The following ZIC4 variants were observed in gnomAD, a reference collection of about 807,000 sequenced individuals.
The protein encoded by ZIC4 is Zic family zinc finger 4.
A neutral mutation model predicts 28.8 loss-of-function variants in ZIC4; 15 were observed. The observed-to-expected ratio is 0.52, with a 90% CI of 0.35 to 0.80. The LOEUF is 0.80. Ranked by LOEUF, ZIC4 falls within the 30% of genes least tolerant of loss-of-function variation. ZIC4 has a pLI of 0.01. For synonymous variants in ZIC4, 220 were observed against 198.1 expected, an observed-to-expected ratio of 1.11 and a Z score of -0.93; for missense variants, 512 against 467.1, an observed-to-expected ratio of 1.10 and a Z score of -0.89.
chr3:147,398,143 C>T (rs1265299700), intron 2 of ZIC4, among the ~76,000 whole-genome samples: 2 of 152,306 alleles, frequency 1.3e-5, no homozygotes, highest in African/African-American at 2.4e-5. Flanking sequence ...AGGAGTCGGG[C>T]GTGGATCCAG....
chr3:147,390,529 C>T (rs546972245), intron 4 of ZIC4, among the ~76,000 whole-genome samples: 18 of 152,268 alleles, frequency 1.2e-4, no homozygotes, highest in Admixed American at 3.9e-4. Flanking sequence ...CACATAAATT[C>T]TCCAACTTTT....
intron 2 of ZIC4, among the ~76,000 whole-genome samples, chr3:147,402,506 G>A (rs1052343319): frequency 2.6e-5 from 4 of 152,118 alleles, no homozygotes; most frequent in African/African-American, 9.7e-5. Context: ...GGCATTGAGG[G>A]GGATTAGCTG....
rs762569523 is a variant in ZIC4 at position 147,388,813 on chromosome 3, C to T, written c.*46G>A. 1 of 774,388 alleles carries T rather than the reference C, an allele frequency of 1.3e-6. No individual in the cohort carries two copies. The highest frequency in any genetic ancestry group is 2.4e-5 in the East Asian group (1 of 41,132). 48.0% of individuals were successfully genotyped at this position (774,388 alleles called of 1,614,324 possible). A position where few individuals can be genotyped will look rare whatever the true frequency, so the allele number is the denominator to read the frequency against. ...TGTAGCAGGCGCGAGATGCGGGGCGCTCAGCTGCGCGGAGCGAGATTACCT... is the reference window on the plus strand; with the variant it reads ...TGTAGCAGGCGCGAGATGCGGGGCGTTCAGCTGCGCGGAGCGAGATTACCT... On this transcript the variant is annotated 3_prime_UTR_variant, in exon 5 of 5. Coordinates refer to ENST00000383075, the MANE Select transcript of ZIC4 (RefSeq NM_032153.6).
chr3:147,405,505 G>C (rs1434050026), intron 1 of ZIC4: 19 of 1,533,190 alleles, frequency 1.2e-5, no homozygotes, highest in Non-Finnish European at 1.7e-5. Flanking sequence ...CTTTGAGCCA[G>C]TCCTAGCTTT....
At chr3:147,405,671 G>T in intron 1 of ZIC4, 1 of 641,328 alleles carries the variant, frequency 1.6e-6, no homozygotes, top group East Asian at 2.8e-5. Context: ...GCCAAGTCCC[G>T]AACCCACTGC....
chr3:147,391,952 G>A (rs1576456068), intron 3 of ZIC4: 1 of 984,858 alleles, frequency 1.0e-6, no homozygotes, highest in Non-Finnish European at 1.2e-6. Context: ...ACATTTAGCA[G>A]CATTCTTCAA....
intron 1 of ZIC4, chr3:147,406,009 C>T (rs2087269583): frequency 6.2e-6 from 1 of 162,572 alleles, no homozygotes; most frequent in African/African-American, 2.4e-5. Flanking sequence ...GGCACCCAGG[C>T]AATTCACAAG....
At position 147,388,505 on chromosome 3, in the gene ZIC4, C is replaced by T; in HGVS notation, c.*354G>A. ...TCTTTTCTTCCTTCACATTATTATC[C>T]ATTTTTATTATGATCGGGTACAAGT... is the stretch of plus-strand genomic sequence containing the variant. On this transcript the variant is annotated 3_prime_UTR_variant, in exon 5 of 5. Transcript: ENST00000383075. The T allele has an allele frequency of 3.2e-6, 1 of 316,806 alleles. No homozygotes were observed. Among genetic ancestry groups the T allele is most frequent in the Non-Finnish European group, 5.7e-6 (1 of 175,294 alleles). 19.6% of individuals were successfully genotyped at this position (316,806 alleles called of 1,614,324 possible).
rs376509983 is a variant in ZIC4, at chr3:147,396,072, C to G, written c.468G>C (p.Thr156=). The G allele has an allele frequency of 1.9e-6, 3 of 1,614,260 alleles. 1 individual carries two copies. Among genetic ancestry groups the G allele is most frequent in the South Asian group, 2.2e-5 (2 of 91,088 alleles). ...KTFSTMHELV[T]HVTVEHVGGP... ...CGCCGACGTGCTCCACGGTGACGTG[C>G]GTGACCAGCTCGTGCATGGTGCTGA... Residue 156 remains threonine, a synonymous_variant, in exon 3 of 5, where the codon ACG becomes ACC. Transcript: ENST00000383075. This position sits in a 1 kb window ranked among gnomAD's most constrained non-coding sequence, Gnocchi z 4.2.
At chr3:147,399,663 A>ATTTTTTTT (rs34229132) in intron 2 of ZIC4, among the ~76,000 whole-genome samples, 3 of 128,026 alleles carry the variant, frequency 2.3e-5, no homozygotes, top group African/African-American at 5.8e-5. Flanking sequence ...AAAAACACGG[A>ATTTTTTTT]TTTTTTTTTT....
intron 1 of ZIC4, chr3:147,404,399 C>G: frequency 1.3e-6 from 1 of 751,544 alleles, no homozygotes; most frequent in Non-Finnish European, 1.7e-6. Context: ...TGTAGCGTTT[C>G]CATCACACAG....
At position 147,404,254 on chromosome 3, in the gene ZIC4, C is replaced by G. The variant is rs534698918; in HGVS notation, c.-15-1442G>C. The G allele has an allele frequency of 2.0e-4, 284 of 1,437,638 alleles. 4 individuals are homozygous for G. The South Asian group carries it at 3.4e-3, about 17-fold the overall frequency. The allele number at this position is 1,437,638 out of a possible 1,614,324, so 89.1% of individuals were successfully genotyped here. ...CTGTCCACCCATAAGGCAGCCCCAA[C>G]CCAACTTCTAAGAGGTCTGGATCAC... On this transcript the variant is annotated intron_variant, in intron 1 of 4. Transcript: ENST00000383075.
At position 147,396,467 on chromosome 3, in the gene ZIC4, T is replaced by C. The variant is rs918455751; in HGVS notation, c.73A>G (p.Ser25Gly). The part of the protein sequence containing the change: ...LYRNTLKESS[S>G]SSGHHGPQLT... ...TGGGGGCCATGGTGTCCAGAGCTGCTACCTGTTGTCGAAACAAATAGCGCG... is the reference window on the plus strand; with the variant it reads ...TGGGGGCCATGGTGTCCAGAGCTGCCACCTGTTGTCGAAACAAATAGCGCG... The change falls in exon 3 of 5, where the codon AGC becomes GGC. Residue 25 changes from serine to glycine, a missense_variant and splice_region_variant. Transcript: ENST00000383075. The surrounding 1 kb of genome is among the most constrained non-coding windows in gnomAD (Gnocchi z 4.2). The C allele has an allele frequency of 2.1e-5, 31 of 1,509,904 alleles. No individual in the cohort carries two copies. Among genetic ancestry groups the C allele is most frequent in the African/African-American group, 2.8e-5 (2 of 71,484 alleles). The allele number at this position is 1,509,904 out of a possible 1,614,324, so 93.5% of individuals were successfully genotyped here.
At position 147,405,329 on chromosome 3, in the gene ZIC4, G is replaced by A. The variant is rs1374810757; in HGVS notation, c.-16+1034C>T. The A allele has an allele frequency of 1.3e-5, 20 of 1,497,150 alleles. No individual in the cohort carries two copies. In the South Asian group the frequency reaches 1.9e-4, roughly 14 times the overall value. The allele number at this position is 1,497,150 out of a possible 1,614,324, so 92.7% of individuals were successfully genotyped here. A position where few individuals can be genotyped will look rare whatever the true frequency, so the allele number is the denominator to read the frequency against. ...AAAAGAGCAGCATGCAGTGGTGTGG[G>A]TCGCTGCGAGGACAATACTGTCGGA... On this transcript the variant is annotated intron_variant, in intron 1 of 4. Coordinates refer to ENST00000383075, the MANE Select transcript of ZIC4 (RefSeq NM_032153.6).
chr3:147,390,129 A>G (rs560381967), intron 4 of ZIC4, among the ~76,000 whole-genome samples: 2 of 152,164 alleles, frequency 1.3e-5, no homozygotes, highest in Non-Finnish European at 2.9e-5. Flanking sequence ...GCAGATGTTT[A>G]TCTGTGTGCC....
chr3:147,402,922 T>C, intron 1 of ZIC4, 110 bp from the exon 2 acceptor site: 1 of 870,974 alleles, frequency 1.1e-6, no homozygotes, highest in Non-Finnish European at 1.7e-6. Flanking sequence ...GATCTGAAGA[T>C]CTTTCGGTCT....
At chr3:147,395,759 C>T (rs1476802902) in intron 3 of ZIC4, 93 bp downstream of exon 3, 6 of 1,512,546 alleles carry the variant, frequency 4.0e-6, no homozygotes, top group Admixed American at 2.2e-5. Context: ...CAAAATATTT[C>T]CCCCTCCCCT....
chr3:147,398,262 C>T (rs565696994), intron 2 of ZIC4, among the ~76,000 whole-genome samples: 14 of 152,202 alleles, frequency 9.2e-5, no homozygotes, highest in Non-Finnish European at 1.9e-4. Flanking sequence ...GGGTGACTTC[C>T]ACTTTCAGCT....
chr3:147,397,066 A>C (rs2107976151), intron 2 of ZIC4: 1 of 151,972 alleles, frequency 6.6e-6, no homozygotes, highest in Non-Finnish European at 1.5e-5. Context: ...CACACAAAAA[A>C]ACTTCTGTAA....
Sources: allele counts gnomAD v4.1 joint callset (sites outside exome capture counted in the v4.1 genomes callset), GRCh38; gene constraint gnomAD v4.1.1; non-coding constraint Gnocchi (gnomAD v3.1); transcripts MANE v1.5; gene names NCBI Gene and HGNC (gene_info 2026-07-23, HGNC 2026-07-21).